JPH3: variants seen among roughly 807,000 people sequenced by gnomAD.
The protein encoded by JPH3 is junctophilin 3, also known as junctophilin-3.
A neutral mutation model predicts 59.6 loss-of-function variants in JPH3; 11 were observed. The ratio of observed to expected loss-of-function variants is 0.18; its 90% CI spans 0.12 to 0.31. The LOEUF (loss-of-function observed/expected upper bound fraction) is 0.31, where lower values mean the gene tolerates loss of function less well. Ranked by LOEUF, JPH3 falls within the 10% of genes least tolerant of loss-of-function variation. The probability of loss-of-function intolerance (pLI) is 1.00; values close to 1 mark genes in which losing one functional copy is unlikely to be tolerated. For synonymous variants in JPH3, 673 were observed against 483.6 expected, an observed-to-expected ratio of 1.39 and a Z score of -5.14; for missense variants, 1,202 against 1,105.7, an observed-to-expected ratio of 1.09 and a Z score of -1.24.
chr16:87,657,359 G>A (rs890239529), intron 2 of JPH3, among the ~76,000 whole-genome samples: 2 of 152,208 alleles, frequency 1.3e-5, no homozygotes, highest in Non-Finnish European at 2.9e-5. Flanking sequence ...GGAGATTCAT[G>A]GGGACAGGGA....
intron 2 of JPH3, among the ~76,000 whole-genome samples, chr16:87,646,610 C>T (rs535172205): frequency 7.2e-5 from 11 of 152,314 alleles, no homozygotes; most frequent in African/African-American, 2.6e-4. Context: ...CGAGCGCTCT[C>T]CTTGGCATTT....
intron 1 of JPH3, among the ~76,000 whole-genome samples, chr16:87,625,201 C>T (rs931230952): frequency 2.0e-5 from 3 of 152,250 alleles, no homozygotes; most frequent in Admixed American, 2.0e-4. Context: ...GAAGTCTTTT[C>T]CAGGGCTCCA....
At chr16:87,606,086 T>C (rs1388902223) in intron 1 of JPH3, among the ~76,000 whole-genome samples, 2 of 152,268 alleles carry the variant, frequency 1.3e-5, no homozygotes, top group East Asian at 3.9e-4. Flanking sequence ...AGGCAGCCCA[T>C]GGAAGGAGCC....
intron 2 of JPH3, among the ~76,000 whole-genome samples, chr16:87,668,684 C>G (rs1312919930): frequency 2.0e-5 from 3 of 152,162 alleles, no homozygotes; most frequent in African/African-American, 7.2e-5. Flanking sequence ...TGGCCAGATA[C>G]CTCATCTGGT....
chr16:87,695,127 A>G (rs2033765048), intron 4 of JPH3: 1 of 356,680 alleles, frequency 2.8e-6, no homozygotes, highest in Non-Finnish European at 5.5e-6. Context: ...TCTCTGGGAG[A>G]GGAGCCAGCA....
intron 2 of JPH3, among the ~76,000 whole-genome samples, chr16:87,672,614 G>A (rs1024940125): frequency 2.6e-5 from 4 of 152,252 alleles, no homozygotes; most frequent in African/African-American, 9.6e-5. Context: ...TGGCATTGAC[G>A]GGGCCAGTGA....
intron 1 of JPH3, among the ~76,000 whole-genome samples, chr16:87,616,423 T>G (rs2150826093): frequency 6.6e-6 from 1 of 150,926 alleles, no homozygotes; most frequent in East Asian, 1.9e-4. Context: ...TTTTTTTTTT[T>G]GTATTTTTAG....
At chr16:87,639,357 C>T (rs1264206172) in intron 1 of JPH3, among the ~76,000 whole-genome samples, 1 of 152,164 alleles carries the variant, frequency 6.6e-6, no homozygotes, top group Admixed American at 6.5e-5. Context: ...GAGCCTTCCG[C>T]ACCTCATGGC....
intron 2 of JPH3, among the ~76,000 whole-genome samples, chr16:87,677,233 A>G (rs4989517): frequency 1.5e-5 from 2 of 136,614 alleles, no homozygotes; most frequent in Non-Finnish European, 3.1e-5. Context: ...CACAAAAAAA[A>G]AAATTAGCCG....
At chr16:87,671,824 T>A (rs1037722710) in intron 2 of JPH3, among the ~76,000 whole-genome samples, 36 of 152,224 alleles carry the variant, frequency 2.4e-4, no homozygotes, top group African/African-American at 8.2e-4. Flanking sequence ...CACACCTGCT[T>A]CCTTCTTAAC....
rs56288080 is a variant in JPH3, at chr16:87,604,652, C to T, written c.382+1124C>T. The T allele has an allele frequency of 8.5e-3, 9,939 of 1,163,856 alleles. 49 individuals carry two copies. The highest frequency in any genetic ancestry group is 0.01 in the Non-Finnish European group (9,549 of 929,268). 72.1% of individuals were successfully genotyped at this position (1,163,856 alleles called of 1,614,324 possible). On this transcript the variant is annotated intron_variant, in intron 1 of 4. Coordinates refer to ENST00000284262, the MANE Select transcript of JPH3 (RefSeq NM_020655.4). The stretch of plus-strand genomic sequence containing the variant: ...TACGTGTGCTCTAGTCCTCCCCGCC[C>T]GCTCGCTGCCTCCGAGTCTCATGAA...
At chr16:87,618,057 C>T (rs901124124) in intron 1 of JPH3, among the ~76,000 whole-genome samples, 11 of 152,022 alleles carry the variant, frequency 7.2e-5, no homozygotes, top group Admixed American at 6.6e-5. Flanking sequence ...CCAGCCACTC[C>T]GGAGGCTGAG....
intron 1 of JPH3, among the ~76,000 whole-genome samples, chr16:87,640,302 C>G (rs1567593849): frequency 6.7e-6 from 1 of 149,746 alleles, no homozygotes; most frequent in Admixed American, 6.7e-5. Flanking sequence ...GCACTCTAGC[C>G]TGGCGACAGA....
chr16:87,670,637 C>G lies in JPH3; in HGVS notation c.1161-13505C>G, dbSNP rs1420832195. On this transcript the variant is annotated intron_variant, in intron 2 of 4. Coordinates refer to ENST00000284262, the MANE Select transcript of JPH3 (RefSeq NM_020655.4). ...TGGAGCACCCACTGGGTGCCACACACTGCGGATGGGACGCAGGGTACCGCA... is the reference window on the plus strand; with the variant it reads ...TGGAGCACCCACTGGGTGCCACACAGTGCGGATGGGACGCAGGGTACCGCA... 3.3e-5 allele frequency among the ~76,000 whole-genome samples: 5 copies of G among 152,276 alleles called. No homozygotes were observed. In the East Asian group the frequency reaches 9.6e-4, roughly 29 times the overall value.
At chr16:87,674,595 C>T (rs1247419643) in intron 2 of JPH3, among the ~76,000 whole-genome samples, 4 of 152,198 alleles carry the variant, frequency 2.6e-5, no homozygotes, top group South Asian at 2.1e-4. Flanking sequence ...GTGTGTATGT[C>T]GATCACTGCA....
At chr16:87,613,446 G>A (rs1473688601) in intron 1 of JPH3, among the ~76,000 whole-genome samples, 4 of 151,846 alleles carry the variant, frequency 2.6e-5, no homozygotes, top group African/African-American at 7.3e-5. Flanking sequence ...TCTGCCTCCC[G>A]AGTAGCTGGG....
intron 1 of JPH3, among the ~76,000 whole-genome samples, chr16:87,640,008 G>A (rs553844688): frequency 6.6e-6 from 1 of 152,332 alleles, no homozygotes; most frequent in African/African-American, 2.4e-5. Context: ...CCTCTTTCCA[G>A]GGTCATCCTC....
chr16:87,678,806 A>G (rs917332911), intron 2 of JPH3, among the ~76,000 whole-genome samples: 1 of 152,184 alleles, frequency 6.6e-6, no homozygotes, highest in African/African-American at 2.4e-5. Context: ...AGGCCACATG[A>G]GGGCAGAGGC....
chr16:87,646,818 C>T (rs756784243), intron 2 of JPH3, among the ~76,000 whole-genome samples: 2 of 152,140 alleles, frequency 1.3e-5, no homozygotes, highest in Non-Finnish European at 2.9e-5. Context: ...CTCAGCAGCT[C>T]GAGGACTTAG....
Sources: allele counts gnomAD v4.1 joint callset (sites outside exome capture counted in the v4.1 genomes callset), GRCh38; gene constraint gnomAD v4.1.1; transcripts MANE v1.5; gene names NCBI Gene and HGNC (gene_info 2026-07-23, HGNC 2026-07-21).